NGF: variants seen among roughly 807,000 people sequenced by gnomAD.
NGF encodes the protein nerve growth factor, also known as beta-nerve growth factor.
A neutral mutation model predicts 12.8 loss-of-function variants in NGF; 4 were observed. The observed-to-expected ratio is 0.31, with a 90% CI of 0.15 to 0.72. The LOEUF is 0.72. Ranked by LOEUF, NGF falls within the 30% of genes least tolerant of loss-of-function variation. NGF has a pLI of 0.69. For synonymous variants in NGF, 140 were observed against 130.0 expected, an observed-to-expected ratio of 1.08 and a Z score of -0.52; for missense variants, 283 against 330.8, an observed-to-expected ratio of 0.86 and a Z score of 1.12.
chr1:115,330,320 G>A (rs905882985), intron 1 of NGF, among the ~76,000 whole-genome samples: 3 of 152,198 alleles, frequency 2.0e-5, no homozygotes, highest in African/African-American at 7.2e-5. Context: ...CTCAGGCACT[G>A]ACTGCTAATA....
chr1:115,333,760 C>CCTCT (rs61701292), intron 1 of NGF, among the ~76,000 whole-genome samples: 1 of 131,554 alleles, frequency 7.6e-6, no homozygotes, highest in Non-Finnish European at 1.6e-5. Flanking sequence ...CTCCCTCCCC[C>CCTCT]CTCTCTCTCT....
chr1:115,321,347 G>A (rs975032450), intron 1 of NGF, among the ~76,000 whole-genome samples: 1 of 152,172 alleles, frequency 6.6e-6, no homozygotes, highest in Non-Finnish European at 1.5e-5. Context: ...CCTGGGCTGG[G>A]TGGGCTGTTA....
At position 115,321,576 on chromosome 1, in the gene NGF, ATGTGTGTGTGTGTGTGTGTGTG is replaced by A. The variant is rs59590858; in HGVS notation, c.-137+16606_-137+16627del. On this transcript the variant is annotated intron_variant, in intron 1 of 2. Coordinates refer to ENST00000369512, the MANE Select transcript of NGF (RefSeq NM_002506.3). ...CACTTTTGCATGATGTGTGTATGGG[ATGTGTGTGTGTGTGTGTGTGTG>A]TGTGTGTGTGTGTGTGTGTGTGTGT... Among the ~76,000 whole-genome samples the A allele has an allele frequency of 1.1e-3, 145 of 133,264 alleles. 4 individuals are homozygous for A. The South Asian group carries it at 0.03, about 27-fold the overall frequency. The allele number at this position is 133,264 out of a possible 152,430, so 87.4% of individuals were successfully genotyped here. A position where few individuals can be genotyped will look rare whatever the true frequency, so the allele number is the denominator to read the frequency against.
At chr1:115,316,438 T>G (rs1654477676) in intron 1 of NGF, among the ~76,000 whole-genome samples, 1 of 152,202 alleles carries the variant, frequency 6.6e-6, no homozygotes, top group Non-Finnish European at 1.5e-5. Flanking sequence ...GAAATTGGTG[T>G]CATCTTTAAA....
intron 1 of NGF, among the ~76,000 whole-genome samples, chr1:115,337,747 A>G (rs1018223147): frequency 1.3e-5 from 2 of 151,862 alleles, no homozygotes; most frequent in Non-Finnish European, 2.9e-5. Flanking sequence ...CTCGGCGCTC[A>G]CCTCAGCCAG....
intron 1 of NGF, among the ~76,000 whole-genome samples, chr1:115,295,870 C>T (rs758423218): frequency 1.3e-5 from 2 of 152,108 alleles, no homozygotes; most frequent in Non-Finnish European, 2.9e-5. Context: ...AGGTCCTGTG[C>T]TGGCCACTGT....
chr1:115,304,943 T>G (rs1557940211), intron 1 of NGF, among the ~76,000 whole-genome samples: 2 of 152,210 alleles, frequency 1.3e-5, no homozygotes, highest in East Asian at 3.9e-4. Context: ...GCCAAAATTG[T>G]GAGTTTGAGT....
chr1:115,324,570 A>G (rs779439188), intron 1 of NGF, among the ~76,000 whole-genome samples: 12 of 151,980 alleles, frequency 7.9e-5, no homozygotes, highest in African/African-American at 2.4e-4. Context: ...CCTCTCTTCC[A>G]TCAGAGCCTG....
chr1:115,317,553 A>G (rs905479328), intron 1 of NGF, among the ~76,000 whole-genome samples: 1 of 152,230 alleles, frequency 6.6e-6, no homozygotes, highest in Non-Finnish European at 1.5e-5. Context: ...TTCCTCCCAC[A>G]CATGGAAAAC....
intron 1 of NGF, among the ~76,000 whole-genome samples, chr1:115,294,477 A>G (rs1653803250): frequency 1.3e-5 from 2 of 152,264 alleles, no homozygotes; most frequent in Non-Finnish European, 2.9e-5. Flanking sequence ...ACTATGTGCC[A>G]GGCACTGTTT....
intron 1 of NGF, among the ~76,000 whole-genome samples, chr1:115,309,041 A>G (rs1214861961): frequency 6.6e-6 from 1 of 152,236 alleles, no homozygotes; most frequent in African/African-American, 2.4e-5. Flanking sequence ...AATGCTAGAC[A>G]GTCCTATTGG....
intron 1 of NGF, among the ~76,000 whole-genome samples, chr1:115,307,418 A>G (rs1654231279): frequency 1.3e-5 from 2 of 152,160 alleles, no homozygotes; most frequent in South Asian, 4.1e-4. Context: ...TGAGAGAAAG[A>G]CCAGAGAAAG....
rs6330 is a variant in NGF at position 115,286,692 on chromosome 1, G to A, written c.104C>T (p.Ala35Val). ...NVPAGHTIPQ[A>V]HWTKLQHSLD... is the part of the protein sequence containing the mutation. ...GGAATGCTGAAGTTTAGTCCAGTGG[G>A]CTTGGGGGATGGTGTGTCCTGCAGG... is the stretch of plus-strand genomic sequence containing the variant. Residue 35 changes from alanine (A) to valine (V), a missense_variant, in exon 3 of 3, where the codon GCC becomes GTC. Ala to Val is a moderately conservative substitution (Grantham distance 64). This residue lies in a region of NGF where 151 missense variants were observed against 141.6 expected (regional missense o/e 1.07). Coordinates refer to ENST00000369512, the MANE Select transcript of NGF (RefSeq NM_002506.3). 672,108 of 1,613,944 alleles carry A rather than the reference G, an allele frequency of 0.42. 146,862 individuals are homozygous for A. The highest frequency in any genetic ancestry group is 0.46 in the Non-Finnish European group (539,143 of 1,179,920).
intron 1 of NGF, among the ~76,000 whole-genome samples, chr1:115,307,713 T>C (rs1378143041): frequency 2.0e-5 from 3 of 152,264 alleles, no homozygotes; most frequent in Non-Finnish European, 2.9e-5. Flanking sequence ...TAGAATATGA[T>C]TTCTGCTGGA....
At chr1:115,301,098 G>A (rs143243270) in intron 1 of NGF, among the ~76,000 whole-genome samples, 203 of 152,242 alleles carry the variant, frequency 1.3e-3, no homozygotes, top group African/African-American at 4.6e-3. Flanking sequence ...CAGTCTTTTA[G>A]TGTTTCTTCT....
chr1:115,324,338 A>G (rs918359407), intron 1 of NGF, among the ~76,000 whole-genome samples: 1 of 152,142 alleles, frequency 6.6e-6, no homozygotes, highest in Non-Finnish European at 1.5e-5. Context: ...GCCAGGCTAC[A>G]TGAAAGGTTT....
rs67307707 is a variant in NGF at position 115,337,267 on chromosome 1, GTTTTTTTTTT to G, written c.-137+927_-137+936del. Among the ~76,000 whole-genome samples the G allele has an allele frequency of 2.7e-3, 221 of 81,044 alleles. 8 individuals are homozygous for G. The highest frequency in any genetic ancestry group is 5.2e-3 in the South Asian group (13 of 2,500). 53.2% of individuals were successfully genotyped at this position (81,044 alleles called of 152,430 possible). ...TCGAAATTTTTTTTGTTTTGTTTTT[GTTTTTTTTTT>G]TTTTTTTTTTTTTTTTTTTTTTTTT... is the stretch of plus-strand genomic sequence containing the variant. On this transcript the variant is annotated intron_variant, in intron 1 of 2. Coordinates refer to ENST00000369512, the MANE Select transcript of NGF (RefSeq NM_002506.3).
chr1:115,318,448 G>A lies in NGF; in HGVS notation c.-137+19756C>T, dbSNP rs577615860. 8.5e-5 allele frequency among the ~76,000 whole-genome samples: 13 copies of A among 152,298 alleles called. 1 individual carries two copies. Among genetic ancestry groups the A allele is most frequent in the Admixed American group, 8.5e-4 (13 of 15,300 alleles). On this transcript the variant is annotated intron_variant, in intron 1 of 2. Coordinates refer to ENST00000369512, the MANE Select transcript of NGF (RefSeq NM_002506.3). Reference sequence around the variant, plus strand: ...ACCCCAGGCTCCAAGGCAGTGTCAGGAAAAGGAGTAGCATGTGAGCTGTGC... The same window carrying A: ...ACCCCAGGCTCCAAGGCAGTGTCAGAAAAAGGAGTAGCATGTGAGCTGTGC...
intron 1 of NGF, among the ~76,000 whole-genome samples, chr1:115,301,636 C>A (rs921518112): frequency 6.6e-6 from 1 of 152,228 alleles, no homozygotes; most frequent in Admixed American, 6.5e-5. Context: ...TGGCCATGCA[C>A]ATGCTCAGTG....
Sources: allele counts gnomAD v4.1 joint callset (sites outside exome capture counted in the v4.1 genomes callset), GRCh38; gene constraint gnomAD v4.1.1; regional missense constraint gnomAD v4.1.1; transcripts MANE v1.5; gene names NCBI Gene and HGNC (gene_info 2026-07-23, HGNC 2026-07-21).